The following CNNM1 variants were observed in gnomAD, a reference collection of about 807,000 sequenced individuals.
CNNM1 encodes the protein cyclin and CBS domain divalent metal cation transport mediator 1, also known as metal transporter CNNM1.
In CNNM1, 44 loss-of-function variants were observed where a neutral mutation model predicts 78.8. The ratio of observed to expected loss-of-function variants is 0.56; its 90% CI spans 0.44 to 0.72. The LOEUF (loss-of-function observed/expected upper bound fraction) is 0.72, where lower values mean the gene tolerates loss of function less well. Ranked by LOEUF, CNNM1 falls within the 30% of genes least tolerant of loss-of-function variation. The pLI is 0.00. For synonymous variants in CNNM1, 584 were observed against 581.5 expected (o/e 1.00, Z -0.06); for missense variants, 1,101 against 1,292.2 (o/e 0.85, Z 2.27).
At chr10:99,391,153 TAC>T (rs909796363) in intron 10 of CNNM1, among the ~76,000 whole-genome samples, 1 of 152,252 alleles carries the variant, frequency 6.6e-6, no homozygotes, top group Non-Finnish European at 1.5e-5. Context: ...CCTGAGGTGT[TAC>T]ATGGGCTTTA....
At chr10:99,351,501 G>C (rs114318779) in intron 1 of CNNM1, among the ~76,000 whole-genome samples, 1 of 152,256 alleles carries the variant, frequency 6.6e-6, no homozygotes, top group African/African-American at 2.4e-5. Flanking sequence ...GGATATTTGA[G>C]CGCCCACTGC....
At chr10:99,367,909 C>A (rs1481005881) in intron 6 of CNNM1, among the ~76,000 whole-genome samples, 1 of 152,152 alleles carries the variant, frequency 6.6e-6, no homozygotes, top group African/African-American at 2.4e-5. Flanking sequence ...CCGGGCCCCC[C>A]AGTGATAGCC....
chr10:99,367,301 G>A (rs2031653938), intron 6 of CNNM1, among the ~76,000 whole-genome samples: 1 of 152,188 alleles, frequency 6.6e-6, no homozygotes, highest in Non-Finnish European at 1.5e-5. Context: ...TTGAGGATGA[G>A]GAGTGAGATT....
intron 6 of CNNM1, among the ~76,000 whole-genome samples, chr10:99,375,673 G>T (rs1322319395): frequency 6.6e-6 from 1 of 152,180 alleles, no homozygotes; most frequent in Non-Finnish European, 1.5e-5. Flanking sequence ...CTAAATAGAG[G>T]CTAATCAAAT....
At chr10:99,385,230 C>A (rs965970382) in intron 7 of CNNM1, among the ~76,000 whole-genome samples, 2 of 152,132 alleles carry the variant, frequency 1.3e-5, no homozygotes, top group South Asian at 2.1e-4. Flanking sequence ...GGGCCCTGAG[C>A]CAGGAAATCC....
At chr10:99,345,457 A>T (rs2030650389) in intron 1 of CNNM1, among the ~76,000 whole-genome samples, 1 of 152,162 alleles carries the variant, frequency 6.6e-6, no homozygotes, top group Non-Finnish European at 1.5e-5. Flanking sequence ...GCCTAGCTTG[A>T]CCACACTCCC....
Position 99,388,132 on chromosome 10 carries a change from G to A in CNNM1, c.2525-20G>A, listed in dbSNP as rs781029873. 6.8e-6 allele frequency: 11 copies of A among 1,613,232 alleles called. No homozygotes were observed. In the East Asian group the frequency reaches 2.5e-4, roughly 36 times the overall value. ...GTCTTCTCCAAAGCAGAGAGGTGAT[G>A]CACTCACTGTCCTCCCCAGGCAGCC... On this transcript the variant is annotated intron_variant, in intron 8 of 10. Coordinates refer to ENST00000356713, the MANE Select transcript of CNNM1 (RefSeq NM_020348.3).
chr10:99,344,256 C>T (rs540863154), intron 1 of CNNM1, among the ~76,000 whole-genome samples: 4 of 138,346 alleles, frequency 2.9e-5, no homozygotes, highest in African/African-American at 8.1e-5. Flanking sequence ...CACTTGAACC[C>T]GGGAGGTGGA....
intron 2 of CNNM1, among the ~76,000 whole-genome samples, chr10:99,359,396 A>G (rs2031347731): frequency 6.6e-6 from 1 of 152,168 alleles, no homozygotes; most frequent in Admixed American, 6.5e-5. Flanking sequence ...CTACCTATAA[A>G]TAGCTGCTGG....
At chr10:99,381,409 CAAAAAAAAA>C (rs55670936) in intron 7 of CNNM1, among the ~76,000 whole-genome samples, 1 of 114,634 alleles carries the variant, frequency 8.7e-6, no homozygotes, top group African/African-American at 3.4e-5. Context: ...ACTCTGTCTT[CAAAAAAAAA>C]AAAAAAAGGA....
chr10:99,348,051 T>TAAA (rs58994103), intron 1 of CNNM1, among the ~76,000 whole-genome samples: 1 of 137,884 alleles, frequency 7.3e-6, no homozygotes, highest in Non-Finnish European at 1.6e-5. Context: ...TATATATATA[T>TAAA]TTTTTTTTTT....
chr10:99,368,814 C>T (rs879415818), intron 6 of CNNM1: 33 of 481,016 alleles, frequency 6.9e-5, no homozygotes, highest in Non-Finnish European at 1.1e-4. Flanking sequence ...TAGCACTTTG[C>T]ACAAATAGCA....
At chr10:99,342,588 G>A (rs1429999268) in intron 1 of CNNM1, among the ~76,000 whole-genome samples, 2 of 151,992 alleles carry the variant, frequency 1.3e-5, no homozygotes, top group South Asian at 2.1e-4. Flanking sequence ...AAATCAAGGC[G>A]GTTGCTGCAG....
Position 99,364,491 on chromosome 10 carries a change from A to G in CNNM1, c.2103A>G (p.Pro701=). 1 of 1,611,970 alleles carries G rather than the reference A, an allele frequency of 6.2e-7. No homozygotes were observed. Among genetic ancestry groups the G allele is most frequent in the Middle Eastern group, 1.7e-4 (1 of 6,058 alleles). Residue 701 remains proline, a synonymous_variant, in exon 5 of 11, where the codon CCA becomes CCG. Coordinates refer to ENST00000356713, the MANE Select transcript of CNNM1 (RefSeq NM_020348.3). ...ENGAFTYYGV[P]AIMTTACSDN... is the part of the protein sequence containing the mutation. Reference sequence around the variant, plus strand: ...GAGCCTTTACTTACTATGGCGTCCCAGCCATCATGACCACTGCTTGCTCAG... The same window carrying G: ...GAGCCTTTACTTACTATGGCGTCCCGGCCATCATGACCACTGCTTGCTCAG...
At position 99,371,503 on chromosome 10, in the gene CNNM1, G is replaced by A. The variant is rs532570311; in HGVS notation, c.2177-5552G>A. Reference sequence around the variant, plus strand: ...CAGAGACAGAGACTTTGGAACCAACGGTTCTTTTTCAGTGCTCGGTTATCT... The same window carrying A: ...CAGAGACAGAGACTTTGGAACCAACAGTTCTTTTTCAGTGCTCGGTTATCT... On this transcript the variant is annotated intron_variant, in intron 6 of 10. Coordinates refer to ENST00000356713, the MANE Select transcript of CNNM1 (RefSeq NM_020348.3). Among the ~76,000 whole-genome samples the A allele has an allele frequency of 5.3e-5, 8 of 152,168 alleles. No individual in the cohort carries two copies. In the South Asian group the frequency reaches 6.2e-4, roughly 12 times the overall value.
Position 99,330,737 on chromosome 10 carries a change from C to T in CNNM1, c.1350C>T (p.Phe450=), listed in dbSNP as rs756975954. The part of the protein sequence containing the change: ...FMLRSDAVLD[F]ATVSEILRSG... Reference sequence around the variant, plus strand: ...TGCGCTCAGACGCGGTGCTCGACTTCGCCACTGTCTCCGAGATCCTGCGCA... The same window carrying T: ...TGCGCTCAGACGCGGTGCTCGACTTTGCCACTGTCTCCGAGATCCTGCGCA... The change falls in exon 1 of 11, where the codon TTC becomes TTT. Residue 450 remains phenylalanine (F), a synonymous_variant. Coordinates refer to ENST00000356713, the MANE Select transcript of CNNM1 (RefSeq NM_020348.3). 1 of 1,614,032 alleles carries T rather than the reference C, an allele frequency of 6.2e-7. No individual in the cohort carries two copies. The highest frequency in any genetic ancestry group is 1.7e-5 in the Admixed American group (1 of 60,028).
intron 1 of CNNM1, among the ~76,000 whole-genome samples, chr10:99,349,002 G>A (rs533595413): frequency 1.8e-4 from 27 of 152,240 alleles, no homozygotes; most frequent in Admixed American, 5.2e-4. Flanking sequence ...CCTGGGAGGC[G>A]GAGGTTGCAG....
rs963312090 is a variant in CNNM1 at position 99,330,987 on chromosome 10, A to T, written c.1573+27A>T. On this transcript the variant is annotated intron_variant, in intron 1 of 10. Transcript: ENST00000356713. ...TGAGCAGTAGTCTATCTTCTCCCCC[A>T]ACTCCTATCCCCTTCAAAGGTATTA... The T allele has an allele frequency of 3.2e-6, 5 of 1,579,448 alleles. No individual in the cohort carries two copies. In the Admixed American group the frequency reaches 8.6e-5, roughly 27 times the overall value.
chr10:99,334,205 C>G (rs2030059358), intron 1 of CNNM1, among the ~76,000 whole-genome samples: 1 of 152,190 alleles, frequency 6.6e-6, no homozygotes. Context: ...TTTGGTAGAT[C>G]TACTTAAGAT....
Sources: allele counts gnomAD v4.1 joint callset (sites outside exome capture counted in the v4.1 genomes callset), GRCh38; gene constraint gnomAD v4.1.1; transcripts MANE v1.5; gene names NCBI Gene and HGNC (gene_info 2026-07-23, HGNC 2026-07-21).